Variants in BCAS3 observed in about 807,000 individuals in gnomAD.
BCAS3 encodes BCAS3 microtubule associated cell migration factor.
A neutral mutation model predicts 116.1 loss-of-function variants in BCAS3; 53 were observed. That is an observed-to-expected ratio of 0.46 (90% confidence interval 0.37 to 0.57). The LOEUF is 0.57. Ranked by LOEUF, BCAS3 falls within the 20% of genes least tolerant of loss-of-function variation. The pLI is 0.00. For missense variants in BCAS3, 917 were observed against 1,165.4 expected, an observed-to-expected ratio of 0.79 and a Z score of 3.10; for synonymous variants, 391 against 408.2, an observed-to-expected ratio of 0.96 and a Z score of 0.51.
At chr17:60,753,116 A>G (rs1333409789) in intron 6 of BCAS3, among the ~76,000 whole-genome samples, 1 of 152,220 alleles carries the variant, frequency 6.6e-6, no homozygotes, top group Non-Finnish European at 1.5e-5. Context: ...TGCTGGGATT[A>G]CAGATGTGAC....
intron 6 of BCAS3, among the ~76,000 whole-genome samples, chr17:60,769,499 C>T (rs951744534): frequency 2.6e-5 from 4 of 152,194 alleles, no homozygotes; most frequent in Non-Finnish European, 2.9e-5. Flanking sequence ...TAGACCTAAC[C>T]CTAGCCCCAC....
chr17:60,936,823 G>A (rs1160946532), intron 13 of BCAS3, among the ~76,000 whole-genome samples: 1 of 152,156 alleles, frequency 6.6e-6, no homozygotes, highest in Non-Finnish European at 1.5e-5. Context: ...TGTTCACTCT[G>A]ATGGTAGTTT....
At chr17:60,872,720 T>C (rs2055240056) in intron 8 of BCAS3, among the ~76,000 whole-genome samples, 1 of 149,952 alleles carries the variant, frequency 6.7e-6, no homozygotes, top group South Asian at 2.1e-4. Flanking sequence ...TATACACATA[T>C]ACACACACAT....
chr17:61,372,546 G>A (rs1173738392), intron 23 of BCAS3, among the ~76,000 whole-genome samples: 3 of 151,948 alleles, frequency 2.0e-5, no homozygotes, highest in African/African-American at 4.8e-5. Flanking sequence ...CTCTCTTCGG[G>A]CCCTTTCCTT....
chr17:61,170,582 G>A (rs1251466547), intron 22 of BCAS3, among the ~76,000 whole-genome samples: 1 of 152,098 alleles, frequency 6.6e-6, no homozygotes. Context: ...GTGAGCCACC[G>A]CGCCTGGCCG....
At position 61,368,196 on chromosome 17, in the gene BCAS3, C is replaced by T. The variant is rs370331918; in HGVS notation, c.2426-131C>T. On this transcript the variant is annotated intron_variant, in intron 22 of 23. Transcript: ENST00000407086. The surrounding 1 kb of genome is among the most constrained non-coding windows in gnomAD (Gnocchi z 6.0). ...TCTCCTGCGCTACCCAGTCTGTTGGCGGCGTGCTTCCATCCTACAGGAAGG... is the reference window on the plus strand; with the variant it reads ...TCTCCTGCGCTACCCAGTCTGTTGGTGGCGTGCTTCCATCCTACAGGAAGG... The T allele has an allele frequency of 4.0e-5, 37 of 929,318 alleles. No homozygotes were observed. Among genetic ancestry groups the T allele is most frequent in the South Asian group, 2.5e-4 (13 of 52,432 alleles). The allele number at this position is 929,318 out of a possible 1,614,324, so 57.6% of individuals were successfully genotyped here.
chr17:60,942,852 G>A (rs2060296267), intron 13 of BCAS3, among the ~76,000 whole-genome samples: 1 of 152,040 alleles, frequency 6.6e-6, no homozygotes, highest in South Asian at 2.1e-4. Context: ...TCTGGGAATA[G>A]CAAGGTAAAC....
chr17:60,969,132 A>T (rs2061819027), intron 14 of BCAS3, among the ~76,000 whole-genome samples: 1 of 152,010 alleles, frequency 6.6e-6, no homozygotes, highest in South Asian at 2.1e-4. Context: ...GAATTGTCTC[A>T]TCCTCATATT....
At chr17:60,870,534 T>G (rs2055010804) in intron 8 of BCAS3, among the ~76,000 whole-genome samples, 1 of 152,062 alleles carries the variant, frequency 6.6e-6, no homozygotes, top group Admixed American at 6.6e-5. Context: ...ATAAATGTAA[T>G]AAAGAGAAGA....
At chr17:61,245,183 C>T (rs2047841344) in intron 22 of BCAS3, 1 of 151,944 alleles carries the variant, frequency 6.6e-6, no homozygotes, top group Non-Finnish European at 1.5e-5. Context: ...AATGAGTGCC[C>T]AGTGAAGGGG....
At chr17:60,876,119 A>C (rs529751193) in intron 9 of BCAS3, among the ~76,000 whole-genome samples, 1 of 152,156 alleles carries the variant, frequency 6.6e-6, no homozygotes, top group South Asian at 2.1e-4. Context: ...TGATCAATAT[A>C]TGTAAACTTG....
Position 61,378,919 on chromosome 17 carries a change from G to T in BCAS3, c.2593+10425G>T, listed in dbSNP as rs888307354. 2.0e-5 allele frequency: 3 copies of T among 152,236 alleles called. No homozygotes were observed. Among genetic ancestry groups the T allele is most frequent in the East Asian group, 3.8e-4 (2 of 5,200 alleles). The allele number at this position is 152,236 out of a possible 1,614,324, so 9.4% of individuals were successfully genotyped here. A position where few individuals can be genotyped will look rare whatever the true frequency, so the allele number is the denominator to read the frequency against. On this transcript the variant is annotated intron_variant, in intron 23 of 23. Coordinates refer to ENST00000407086, the MANE Select transcript of BCAS3 (RefSeq NM_017679.5). This position sits in a 1 kb window ranked among gnomAD's most constrained non-coding sequence, Gnocchi z 5.8. The stretch of plus-strand genomic sequence containing the variant: ...ACTCTCCTCTGCATATTTCTTAGTT[G>T]TCTAAAGTGACTTTTCAACTCTTTC...
At chr17:60,933,798 A>G (rs984578712) in intron 13 of BCAS3, among the ~76,000 whole-genome samples, 2 of 152,204 alleles carry the variant, frequency 1.3e-5, no homozygotes, top group Admixed American at 1.3e-4. Context: ...ACTACCAGAC[A>G]CCTATATTAT....
chr17:61,378,503 G>T lies in BCAS3; in HGVS notation c.2593+10009G>T, dbSNP rs2059441012. ...CCCTTCGTTTTGCCATTGGAAAAGGGCCGGCCCTGGTGGTCCCTTCAGCCC... is the reference window on the plus strand; with the variant it reads ...CCCTTCGTTTTGCCATTGGAAAAGGTCCGGCCCTGGTGGTCCCTTCAGCCC... On this transcript the variant is annotated intron_variant, in intron 23 of 23. Transcript: ENST00000407086. This position sits in a 1 kb window ranked among gnomAD's most constrained non-coding sequence, Gnocchi z 5.8. The T allele has an allele frequency of 6.6e-6, 1 of 152,138 alleles. No homozygotes were observed. Among genetic ancestry groups the T allele is most frequent in the Non-Finnish European group, 1.5e-5 (1 of 68,068 alleles). The allele number at this position is 152,138 out of a possible 1,614,324, so 9.4% of individuals were successfully genotyped here.
chr17:61,075,192 A>G (rs978681396), intron 20 of BCAS3, among the ~76,000 whole-genome samples, 172 bp downstream of exon 20: 3 of 152,202 alleles, frequency 2.0e-5, no homozygotes, highest in Non-Finnish European at 4.4e-5. Flanking sequence ...GCAGGTGTAC[A>G]TATACATATT....
intron 13 of BCAS3, among the ~76,000 whole-genome samples, chr17:60,943,322 C>T (rs550994275): frequency 5.3e-5 from 8 of 152,004 alleles, no homozygotes; most frequent in African/African-American, 1.4e-4. Context: ...AGAGAGTGAG[C>T]GAGTGTGAGA....
intron 5 of BCAS3, among the ~76,000 whole-genome samples, chr17:60,731,761 A>G (rs995538138): frequency 1.3e-5 from 2 of 150,192 alleles, no homozygotes; most frequent in African/African-American, 2.5e-5. Context: ...CCTCTCATGT[A>G]TCCGCTTATC....
chr17:60,865,170 C>T (rs898730933), intron 7 of BCAS3, among the ~76,000 whole-genome samples: 6 of 151,726 alleles, frequency 4.0e-5, no homozygotes, highest in Non-Finnish European at 5.9e-5. Flanking sequence ...TTGCTTGACA[C>T]AGGTTTCCCA....
chr17:60,766,516 A>G (rs992684375), intron 6 of BCAS3, among the ~76,000 whole-genome samples: 9 of 152,174 alleles, frequency 5.9e-5, no homozygotes, highest in African/African-American at 2.2e-4. Flanking sequence ...GGGTACCACC[A>G]GCAGCAGCTG....
Sources: allele counts gnomAD v4.1 joint callset (sites outside exome capture counted in the v4.1 genomes callset), GRCh38; gene constraint gnomAD v4.1.1; non-coding constraint Gnocchi (gnomAD v3.1); transcripts MANE v1.5; gene names NCBI Gene and HGNC (gene_info 2026-07-23, HGNC 2026-07-21).